GNE: variants seen among roughly 807,000 people sequenced by gnomAD.
The protein encoded by GNE is bifunctional UDP-N-acetylglucosamine 2-epimerase/N-acetylmannosamine kinase.
GNE carries 41 observed loss-of-function variants against 61.8 expected under a neutral mutation model. The observed-to-expected ratio is 0.66, with a 90% CI of 0.52 to 0.86. The LOEUF is 0.86. Ranked by LOEUF, GNE falls within the 40% of genes least tolerant of loss-of-function variation. The pLI is 0.00. For synonymous variants in GNE, 264 were observed against 326.4 expected, an observed-to-expected ratio of 0.81 and a Z score of 2.06; for missense variants, 608 against 909.1, an observed-to-expected ratio of 0.67 and a Z score of 4.26.
At chr9:36,242,141 G>A (rs1829654347) in intron 3 of GNE, among the ~76,000 whole-genome samples, 3 of 144,600 alleles carry the variant, frequency 2.1e-5, no homozygotes, top group Non-Finnish European at 4.6e-5. Flanking sequence ...TGGCAACAGA[G>A]CAAGACTCTG....
rs1168584580 is a variant in GNE at position 36,246,050 on chromosome 9, G to T, written c.597C>A (p.Ser199Arg). The change falls in exon 3 of 12, where the codon AGC becomes AGA. Residue 199 changes from serine to arginine, a missense_variant. Physicochemically the swap from Ser to Arg is moderately radical, Grantham distance 110. Coordinates refer to ENST00000642385, the MANE Select transcript of GNE (RefSeq NM_005476.7). ...ACGTACCTAGCCACATGCGAATGAT[G>T]CTCATGTAGTCTTTGTTCTTGGCTG... ...LLSAKNKDYM[S>R]IIRMWLGDDV... is the part of the protein sequence containing the mutation. 1 of 1,613,722 alleles carries T rather than the reference G, an allele frequency of 6.2e-7. No individual in the cohort carries two copies. Among genetic ancestry groups the T allele is most frequent in the Admixed American group, 1.7e-5 (1 of 60,026 alleles).
At chr9:36,228,655 G>C (rs1047266841) in intron 6 of GNE, among the ~76,000 whole-genome samples, 1 of 151,672 alleles carries the variant, frequency 6.6e-6, no homozygotes, top group African/African-American at 2.4e-5. Context: ...TTAGCCAGGC[G>C]TGGTGGTGCG....
At chr9:36,230,659 T>TA (rs1829103377) in intron 5 of GNE, among the ~76,000 whole-genome samples, 1 of 150,844 alleles carries the variant, frequency 6.6e-6, no homozygotes, top group African/African-American at 2.4e-5. Flanking sequence ...AATATCACTA[T>TA]CTTTTTTTTT....
chr9:36,222,848 G>T lies in GNE; in HGVS notation c.1562C>A (p.Ala521Asp). 6.2e-7 allele frequency: 1 copy of T among 1,614,128 alleles called. No homozygotes were observed. The highest frequency in any genetic ancestry group is 1.3e-5 in the African/African-American group (1 of 75,042). The change falls in exon 9 of 12, where the codon GCT becomes GAT. Residue 521 changes from alanine to aspartate, a missense_variant. By Grantham distance (126) the Ala-to-Asp change is moderately radical. Coordinates refer to ENST00000642385, the MANE Select transcript of GNE (RefSeq NM_005476.7). ...PVWVDNDGNC[A>D]ALAERKFGQG... ...GCCAAATTTCCTTTCCGCCAGGGCA[G>T]CACAGTTGCCATCATTGTCTACCCA...
chr9:36,248,423 T>C (rs1242992248), intron 2 of GNE, among the ~76,000 whole-genome samples: 3 of 151,870 alleles, frequency 2.0e-5, no homozygotes, highest in Non-Finnish European at 4.4e-5. Context: ...CAAGTGATTC[T>C]CCTGCCTCAG....
intron 1 of GNE, among the ~76,000 whole-genome samples, chr9:36,264,191 G>A (rs1830694396): frequency 6.6e-6 from 1 of 151,892 alleles, no homozygotes; most frequent in Non-Finnish European, 1.5e-5. Context: ...TGAGTGCAGT[G>A]GTGCTATCTT....
rs2296818 is a variant in GNE at position 36,220,137 on chromosome 9, T to C, written c.1634-117A>G. On this transcript the variant is annotated intron_variant, in intron 9 of 11. Transcript: ENST00000642385. The stretch of plus-strand genomic sequence containing the variant: ...CATGTGAGGGTCTATAGATACTTCT[T>C]TAGACAGCTGAAGCCCACTAGGCAT... 0.082 allele frequency: 69,145 copies of C among 841,976 alleles called. 4,064 individuals are homozygous for C. The highest frequency in any genetic ancestry group is 0.17 in the South Asian group (12,165 of 71,144). The allele number at this position is 841,976 out of a possible 1,614,324, so 52.2% of individuals were successfully genotyped here.
In GNE at chr9:36,218,194, A is replaced by G; in HGVS notation, c.1922T>C (p.Ile641Thr). The change falls in exon 11 of 12, where the codon ATC (isoleucine) becomes ACC (threonine). Residue 641 changes from isoleucine to threonine, a missense_variant. Physicochemically the swap from Ile to Thr is moderately conservative, Grantham distance 89. Transcript: ENST00000642385. The surrounding 1 kb of genome is among the most constrained non-coding windows in gnomAD (Gnocchi z 4.1). Reference protein sequence around the residue: ...AKLGNAKAQSILRTAGTALGL... With the variant: ...AKLGNAKAQSTLRTAGTALGL... ...AGCCACATGCTCACCTGTTCTTAGG[A>G]TGCTCTGGGCCTTCGCATTGCCAAG... The G allele has an allele frequency of 6.2e-7, 1 of 1,611,714 alleles. No homozygotes were observed. Among genetic ancestry groups the G allele is most frequent in the Non-Finnish European group, 8.5e-7 (1 of 1,177,818 alleles).
At chr9:36,258,785 T>G (rs1478463640), upstream of GNE, among the ~76,000 whole-genome samples, 1 of 152,204 alleles carries the variant, frequency 6.6e-6, no homozygotes, top group East Asian at 1.9e-4. Context: ...AAGGAGGGAT[T>G]TCTTGCGCCT....
At chr9:36,229,415 C>T (rs1250474140) in intron 5 of GNE, among the ~76,000 whole-genome samples, 1 of 152,176 alleles carries the variant, frequency 6.6e-6, no homozygotes, top group Non-Finnish European at 1.5e-5. Flanking sequence ...GCCTAGTCAT[C>T]TATGAGATTC....
intron 5 of GNE, among the ~76,000 whole-genome samples, chr9:36,230,610 C>G (rs1249287459): frequency 6.6e-6 from 1 of 151,926 alleles, no homozygotes; most frequent in Non-Finnish European, 1.5e-5. Context: ...GCGCATGCTA[C>G]CAGGTCCACC....
intron 7 of GNE, among the ~76,000 whole-genome samples, chr9:36,223,755 CT>C (rs377239651): frequency 1.9e-3 from 270 of 142,804 alleles, no homozygotes; most frequent in Admixed American, 1.8e-3. Context: ...GGGCCCCTCT[CT>C]TTTTTTTTTT....
rs553039028 is a variant in GNE at position 36,214,892 on chromosome 9, T to G, written c.*2473A>C. On this transcript the variant is annotated 3_prime_UTR_variant, in exon 12 of 12. Coordinates refer to ENST00000642385, the MANE Select transcript of GNE (RefSeq NM_005476.7). ...TCACACTAACCCACTAGGAAGGATA[T>G]AGTTCAAATGTAATGTTGAGTCCTT... 6.6e-6 allele frequency: 1 copy of G among 152,354 alleles called. No homozygotes were observed. Among genetic ancestry groups the G allele is most frequent in the South Asian group, 2.1e-4 (1 of 4,832 alleles). 9.4% of individuals were successfully genotyped at this position (152,354 alleles called of 1,614,324 possible). A position where few individuals can be genotyped will look rare whatever the true frequency, so the allele number is the denominator to read the frequency against.
At chr9:36,230,730 G>A (rs1355811029) in intron 5 of GNE, among the ~76,000 whole-genome samples, 1 of 151,262 alleles carries the variant, frequency 6.6e-6, no homozygotes, top group Non-Finnish European at 1.5e-5. Context: ...CGCGATCTTG[G>A]CTCACTGCAA....
At chr9:36,225,618 G>C (rs948780482) in intron 7 of GNE, among the ~76,000 whole-genome samples, 3 of 152,166 alleles carry the variant, frequency 2.0e-5, no homozygotes, top group African/African-American at 7.2e-5. Context: ...CTGGGCGACA[G>C]AGCAAGACTC....
intron 1 of GNE, among the ~76,000 whole-genome samples, chr9:36,273,927 G>A (rs916246491): frequency 6.6e-6 from 1 of 151,844 alleles, no homozygotes; most frequent in South Asian, 2.1e-4. Context: ...GAGCCATCGC[G>A]TCCGGCCAAT....
chr9:36,255,925 T>C (rs1353935196), intron 1 of GNE, among the ~76,000 whole-genome samples: 1 of 152,134 alleles, frequency 6.6e-6, no homozygotes, highest in East Asian at 1.9e-4. Context: ...AACCCAATTC[T>C]TGTTTGTTTT....
intron 6 of GNE, among the ~76,000 whole-genome samples, chr9:36,228,209 T>G (rs962935819): frequency 2.0e-5 from 3 of 151,862 alleles, no homozygotes; most frequent in African/African-American, 7.2e-5. Flanking sequence ...AAATTTTATA[T>G]AAAATAATAT....
intron 7 of GNE, among the ~76,000 whole-genome samples, chr9:36,226,235 C>T (rs1185188884): frequency 1.3e-5 from 2 of 152,018 alleles, no homozygotes; most frequent in Non-Finnish European, 2.9e-5. Context: ...TGCAGTGGTG[C>T]GATCTTGGCT....
Sources: allele counts gnomAD v4.1 joint callset (sites outside exome capture counted in the v4.1 genomes callset), GRCh38; gene constraint gnomAD v4.1.1; non-coding constraint Gnocchi (gnomAD v3.1); transcripts MANE v1.5; gene names NCBI Gene and HGNC (gene_info 2026-07-23, HGNC 2026-07-21).